The following EFHC2 variants were observed in gnomAD, a reference collection of about 807,000 sequenced individuals.
EFHC2 encodes EF-hand domain-containing family member C2.
A neutral mutation model predicts 52.7 loss-of-function variants in EFHC2; 18 were observed. The observed-to-expected ratio is 0.34, with a 90% CI of 0.24 to 0.51. The LOEUF is 0.51. Ranked by LOEUF, EFHC2 falls within the 20% of genes least tolerant of loss-of-function variation. The pLI, the probability that EFHC2 is intolerant of heterozygous loss-of-function variation, is 0.97. For missense variants in EFHC2, 513 were observed against 562.5 expected, an observed-to-expected ratio of 0.91 and a Z score of 0.89; for synonymous variants, 203 against 204.1, an observed-to-expected ratio of 0.99 and a Z score of 0.04.
intron 11 of EFHC2, among the ~76,000 whole-genome samples, chrX:44,222,105 T>C (rs182798817): frequency 1.0e-3 from 115 of 111,880 alleles, no homozygotes; most frequent in African/African-American, 3.6e-3. Flanking sequence ...TAAATGCCTA[T>C]TTCCACAATA....
At chrX:44,213,283 A>G in intron 11 of EFHC2, among the ~76,000 whole-genome samples, 1 of 111,275 alleles carries the variant, frequency 9.0e-6, no homozygotes, top group Non-Finnish European at 1.9e-5. Flanking sequence ...GAAAAACTCA[A>G]AAAGAAATGC....
In EFHC2 at chrX:44,339,191, C is replaced by CAAAAA. The variant is rs58180100; in HGVS notation, c.42+4351_42+4355dup. ...GGGTGACAGAGCGAGACTCCATCTC[C>CAAAAA]AAAAAAAAAAAGCAGAAAGAGTGAG... On this transcript the variant is annotated intron_variant, in intron 1 of 14. Coordinates refer to ENST00000420999, the MANE Select transcript of EFHC2 (RefSeq NM_025184.4). 1.1e-3 allele frequency among the ~76,000 whole-genome samples: 96 copies of CAAAAA among 90,330 alleles called. 3 individuals carry two copies. Among genetic ancestry groups the CAAAAA allele is most frequent in the East Asian group, 3.4e-3 (10 of 2,935 alleles). 78.4% of individuals were successfully genotyped at this position (90,330 alleles called of 115,157 possible).
At chrX:44,235,543 T>G in intron 8 of EFHC2, 96 bp from the exon 9 acceptor site, 1 of 863,188 alleles carries the variant, frequency 1.2e-6, no homozygotes, top group East Asian at 3.6e-5. Context: ...ATGGCTTTAA[T>G]ATAGTAGGCA....
At chrX:44,321,385 G>T (rs768665389) in intron 1 of EFHC2, among the ~76,000 whole-genome samples, 11 of 111,052 alleles carry the variant, frequency 9.9e-5, no homozygotes, top group South Asian at 7.7e-4. Flanking sequence ...GGTGGATATG[G>T]GAGTCTGAAG....
chrX:44,298,458 TGGG>T (rs926407899), intron 2 of EFHC2, among the ~76,000 whole-genome samples: 14 of 111,179 alleles, frequency 1.3e-4, no homozygotes, highest in Non-Finnish European at 2.1e-4. Context: ...CTAAACGAAT[TGGG>T]GGAATAAGGG....
intron 7 of EFHC2, among the ~76,000 whole-genome samples, chrX:44,247,388 G>A (rs781009956): frequency 7.2e-5 from 8 of 111,525 alleles, no homozygotes; most frequent in South Asian, 3.8e-4. Context: ...AAGAAGCTGC[G>A]GTTGCACTTG....
chrX:44,205,245 G>A (rs961576641), intron 11 of EFHC2, among the ~76,000 whole-genome samples: 4 of 111,027 alleles, frequency 3.6e-5, no homozygotes, highest in African/African-American at 1.3e-4. Context: ...TACCACAAAA[G>A]CACACATAAG....
intron 11 of EFHC2, among the ~76,000 whole-genome samples, chrX:44,187,135 G>A (rs866207186): frequency 1.1e-4 from 7 of 61,745 alleles, no homozygotes; most frequent in African/African-American, 2.5e-4. Flanking sequence ...AAACAAAATG[G>A]TATATATATA....
intron 13 of EFHC2, among the ~76,000 whole-genome samples, chrX:44,173,379 G>A (rs1487863990): frequency 1.8e-5 from 2 of 112,011 alleles, no homozygotes; most frequent in African/African-American, 6.5e-5. Flanking sequence ...AAGAGACTCT[G>A]GTCAGGGCTC....
intron 2 of EFHC2, among the ~76,000 whole-genome samples, chrX:44,280,928 A>AT (rs976479771): frequency 4.6e-5 from 5 of 107,717 alleles, no homozygotes; most frequent in Admixed American, 3.0e-4. Flanking sequence ...TAGAATTATT[A>AT]TTTTTTTTTT....
chrX:44,299,173 C>A (rs921589425), intron 2 of EFHC2, among the ~76,000 whole-genome samples: 1 of 110,919 alleles, frequency 9.0e-6, no homozygotes, highest in African/African-American at 3.3e-5. Context: ...AAATTCTAAG[C>A]CCCCCAGCCA....
At chrX:44,232,337 C>T in intron 10 of EFHC2, 144 bp downstream of exon 10, 1 of 395,896 alleles carries the variant, frequency 2.5e-6, no homozygotes, top group Non-Finnish European at 4.1e-6. Flanking sequence ...GGCCAAGTCA[C>T]ACGAATCCAT....
chrX:44,213,487 C>T (rs1339106432), intron 11 of EFHC2, among the ~76,000 whole-genome samples: 1 of 111,717 alleles, frequency 9.0e-6, no homozygotes, highest in East Asian at 2.8e-4. Flanking sequence ...CAATCAAATA[C>T]ATGTAAGATA....
intron 3 of EFHC2, among the ~76,000 whole-genome samples, chrX:44,266,499 G>A (rs1439279208): frequency 5.5e-5 from 6 of 110,007 alleles, no homozygotes; most frequent in Non-Finnish European, 9.5e-5. Flanking sequence ...ACCACACCCA[G>A]CTAATTTTTA....
At chrX:44,176,849 G>A (rs2036791381) in intron 12 of EFHC2, among the ~76,000 whole-genome samples, 2 of 111,659 alleles carry the variant, frequency 1.8e-5, no homozygotes, top group South Asian at 3.8e-4. Flanking sequence ...CCCAGCTGGG[G>A]CCTCAATATT....
intron 2 of EFHC2, among the ~76,000 whole-genome samples, chrX:44,296,028 G>A (rs1202284923): frequency 9.0e-6 from 1 of 111,328 alleles, no homozygotes; most frequent in Admixed American, 9.5e-5. Context: ...CGATTCTCAC[G>A]AGTTTCACAT....
intron 11 of EFHC2, among the ~76,000 whole-genome samples, chrX:44,205,237 C>A: frequency 9.0e-6 from 1 of 111,190 alleles, no homozygotes. Flanking sequence ...ATACTTGCTA[C>A]CACAAAAGCA....
intron 11 of EFHC2, among the ~76,000 whole-genome samples, chrX:44,192,793 A>G (rs1190280435): frequency 9.0e-6 from 1 of 110,792 alleles, no homozygotes; most frequent in African/African-American, 3.3e-5. Context: ...TGTGTTTTGT[A>G]AGTTCTAACA....
intron 14 of EFHC2, 46 bp downstream of exon 14, chrX:44,163,876 A>G: frequency 5.9e-6 from 5 of 851,142 alleles, no homozygotes; most frequent in Non-Finnish European, 8.5e-6. Flanking sequence ...TTAAACATGC[A>G]AGGGAAGTAA....
Sources: allele counts gnomAD v4.1 joint callset (sites outside exome capture counted in the v4.1 genomes callset), GRCh38; gene constraint gnomAD v4.1.1; transcripts MANE v1.5; gene names NCBI Gene and HGNC (gene_info 2026-07-23, HGNC 2026-07-21).